The following ZFYVE26 variants were observed in gnomAD, a reference collection of about 807,000 sequenced individuals.
ZFYVE26 encodes zinc finger FYVE-type containing 26, also known as zinc finger FYVE domain-containing protein 26.
A neutral mutation model predicts 276.5 loss-of-function variants in ZFYVE26; 181 were observed. The observed-to-expected ratio is 0.65, with a 90% CI of 0.58 to 0.74. ZFYVE26 has a LOEUF of 0.74. ZFYVE26 is among the 30% of genes least tolerant of loss of function. The pLI, the probability that ZFYVE26 is intolerant of heterozygous loss-of-function variation, is 0.00. For synonymous variants in ZFYVE26, 1,129 were observed against 1,203.1 expected (o/e 0.94, Z 1.27); for missense variants, 2,821 against 3,097.9 (o/e 0.91, Z 2.12).
chr14:67,752,241 C>T (rs1398816071), intron 40 of ZFYVE26, 103 bp downstream of exon 40: 1 of 1,401,728 alleles, frequency 7.1e-7, no homozygotes, highest in African/African-American at 1.4e-5. Flanking sequence ...ATAAAAGGAT[C>T]TTGTAGAGTT....
chr14:67,773,985 C>T (rs754032297), intron 27 of ZFYVE26, among the ~76,000 whole-genome samples: 9 of 152,244 alleles, frequency 5.9e-5, no homozygotes, highest in Middle Eastern at 3.4e-3. Context: ...CTTCAAGGAG[C>T]TTGTGCTTTG....
intron 13 of ZFYVE26, among the ~76,000 whole-genome samples, chr14:67,741,411 T>G (rs2038414424): frequency 6.6e-6 from 1 of 152,148 alleles, no homozygotes; most frequent in African/African-American, 2.4e-5. Context: ...GCAATACTAT[T>G]CATGTAGTTC....
intron 32 of ZFYVE26, 21 bp downstream of exon 32, chr14:67,766,206 T>C (rs2039053139): frequency 5.6e-6 from 9 of 1,612,472 alleles, no homozygotes; most frequent in Non-Finnish European, 7.6e-6. Flanking sequence ...TGTAAAAGAA[T>C]AGAGACCCAC....
chr14:67,766,712 T>C (rs989195978), intron 31 of ZFYVE26, among the ~76,000 whole-genome samples: 7 of 152,164 alleles, frequency 4.6e-5, no homozygotes, highest in African/African-American at 1.7e-4. Flanking sequence ...ACTTCTTTAT[T>C]TTTTTGAAAC....
intron 20 of ZFYVE26, 59 bp downstream of exon 20, chr14:67,784,275 G>A: frequency 1.4e-6 from 2 of 1,431,014 alleles, no homozygotes; most frequent in Non-Finnish European, 2.0e-6. Context: ...TGAGCCCTTG[G>A]CTATATTGAT....
chr14:67,803,797 C>T (rs546236071), intron 9 of ZFYVE26, among the ~76,000 whole-genome samples: 2 of 152,278 alleles, frequency 1.3e-5, no homozygotes, highest in South Asian at 2.1e-4. Flanking sequence ...GCTGTGTATT[C>T]AGAGGGCAAT....
At chr14:67,733,682 C>T (rs2038314821) in intron 13 of ZFYVE26, 3 of 1,033,704 alleles carry the variant, frequency 2.9e-6, no homozygotes, top group Non-Finnish European at 4.6e-6. Flanking sequence ...GAGAAAGGGA[C>T]CATAAAGATT....
At chr14:67,763,471 G>C (rs34186579) in intron 32 of ZFYVE26, among the ~76,000 whole-genome samples, 15,988 of 152,178 alleles carry the variant, frequency 0.11, 1,025 homozygotes, top group Middle Eastern at 0.22. Context: ...TCTATATTTA[G>C]ATACACAAAT....
chr14:67,733,716 T>C, intron 13 of ZFYVE26: 2 of 1,464,642 alleles, frequency 1.4e-6, no homozygotes. Flanking sequence ...TTCTCATTCC[T>C]GGAATTTACT....
chr14:67,744,771 C>A (rs1432350114), downstream of ZFYVE26, among the ~76,000 whole-genome samples: 1 of 152,186 alleles, frequency 6.6e-6, no homozygotes, highest in East Asian at 1.9e-4. Context: ...GCATAGTATT[C>A]TATGGTATAT....
At chr14:67,729,093 A>G in intron 14 of ZFYVE26, 7 of 1,181,862 alleles carry the variant, frequency 5.9e-6, no homozygotes, top group Non-Finnish European at 8.8e-6. Flanking sequence ...ATGTTTCCTG[A>G]GTCCCTCCTT....
chr14:67,735,421 T>C (rs1008328506), intron 13 of ZFYVE26: 6 of 640,148 alleles, frequency 9.4e-6, no homozygotes, highest in African/African-American at 1.8e-5. Context: ...CAAGTTAACA[T>C]CTGAGCAAGT....
At position 67,756,062 on chromosome 14, in the gene ZFYVE26, T is replaced by C. The variant is rs2038770810; in HGVS notation, c.6672A>G (p.Leu2224=). 13 of 1,614,120 alleles carry C rather than the reference T, an allele frequency of 8.1e-6. No individual in the cohort carries two copies. The highest frequency in any genetic ancestry group is 1.1e-5 in the South Asian group (1 of 91,094). The change falls in exon 36 of 42, where the codon CTA becomes CTG. Residue 2224 remains leucine (L), a synonymous_variant. Coordinates refer to ENST00000347230, the MANE Select transcript of ZFYVE26 (RefSeq NM_015346.4). ...SGKLHTLENL[L]ESIDPTLESW... ...TCTCCAAGGTTGGATCAATGGATTC[T>C]AGCAAGTTCTCCAAAGTGTGTAGCT... is the stretch of plus-strand genomic sequence containing the variant.
In ZFYVE26 at chr14:67,784,378, T is replaced by C. The variant is rs1566883792; in HGVS notation, c.3582A>G (p.Gln1194=). The change falls in exon 20 of 42, where the codon CAA becomes CAG. Residue 1194 remains glutamine (Q), a synonymous_variant. Coordinates refer to ENST00000347230, the MANE Select transcript of ZFYVE26 (RefSeq NM_015346.4). The stretch of plus-strand genomic sequence containing the variant: ...TCTCAAACAGGAGATGTGACACCAG[T>C]TGGGAAGAGCTCTGTTGCAGCAGAA... The part of the protein sequence containing the change: ...PFVLLQQSSS[Q]LVSHLLFERQ... 2 of 1,614,052 alleles carry C rather than the reference T, an allele frequency of 1.2e-6. No homozygotes were observed. Among genetic ancestry groups the C allele is most frequent in the Non-Finnish European group, 1.7e-6 (2 of 1,179,936 alleles).
At position 67,748,300 on chromosome 14, in the gene ZFYVE26, G is replaced by A; in HGVS notation, c.*136C>T. 2.1e-6 allele frequency: 2 copies of A among 961,350 alleles called. No individual in the cohort carries two copies. The highest frequency in any genetic ancestry group is 3.1e-6 in the Non-Finnish European group (2 of 652,540). 59.6% of individuals were successfully genotyped at this position (961,350 alleles called of 1,614,324 possible). A position where few individuals can be genotyped will look rare whatever the true frequency, so the allele number is the denominator to read the frequency against. ...TATCCTTGCCCGGGAAGGCAAGTAG[G>A]GTCCAATCCAACTCTTTCCAACCTA... On this transcript the variant is annotated 3_prime_UTR_variant, in exon 42 of 42. Coordinates refer to ENST00000347230, the MANE Select transcript of ZFYVE26 (RefSeq NM_015346.4).
chr14:67,788,443 G>A (rs2039713266), intron 16 of ZFYVE26, among the ~76,000 whole-genome samples: 1 of 152,144 alleles, frequency 6.6e-6, no homozygotes. Flanking sequence ...TCTCTAATGA[G>A]CTTCCCTATA....
chr14:67,772,351 T>A lies in ZFYVE26; in HGVS notation c.5321-141A>T. On this transcript the variant is annotated intron_variant, in intron 27 of 41. Transcript: ENST00000347230. ...GTTAATGATCATCAGTGACTGTTTG[T>A]GTCATAAAAGAGAGACAACTGAACA... 2.9e-6 allele frequency: 3 copies of A among 1,028,950 alleles called. No homozygotes were observed. In the South Asian group the frequency reaches 4.4e-5, roughly 15 times the overall value. 63.7% of individuals were successfully genotyped at this position (1,028,950 alleles called of 1,614,324 possible).
chr14:67,787,720 T>C lies in ZFYVE26; in HGVS notation c.3020-1487A>G, dbSNP rs187361873. ...TTAGATGAGGGGAAGAGCAGATCAC[T>C]GGACACAAACAGCATTGTATAAGCC... is the stretch of plus-strand genomic sequence containing the variant. On this transcript the variant is annotated intron_variant, in intron 16 of 41. Coordinates refer to ENST00000347230, the MANE Select transcript of ZFYVE26 (RefSeq NM_015346.4). Among the ~76,000 whole-genome samples, 274 of 152,328 alleles carry C rather than the reference T, an allele frequency of 1.8e-3. 1 individual carries two copies. Among genetic ancestry groups the C allele is most frequent in the Non-Finnish European group, 3.0e-3 (207 of 68,010 alleles).
At chr14:67,806,763 G>A in intron 5 of ZFYVE26, 88 bp from the exon 6 acceptor site, 1 of 1,540,360 alleles carries the variant, frequency 6.5e-7, no homozygotes, top group South Asian at 1.1e-5. Context: ...TGATGTGAGA[G>A]TTTGCTCTTT....
Sources: allele counts gnomAD v4.1 joint callset (sites outside exome capture counted in the v4.1 genomes callset), GRCh38; gene constraint gnomAD v4.1.1; transcripts MANE v1.5; gene names NCBI Gene and HGNC (gene_info 2026-07-23, HGNC 2026-07-21).